Variants in SNTG1 observed in about 807,000 individuals in gnomAD.
The protein encoded by SNTG1 is gamma-1-syntrophin.
In SNTG1, 39 loss-of-function variants were observed where a neutral mutation model predicts 74.7. The ratio of observed to expected loss-of-function variants is 0.52; its 90% CI spans 0.40 to 0.68. The LOEUF (loss-of-function observed/expected upper bound fraction) is 0.68, where lower values mean the gene tolerates loss of function less well. Among genes scored for constraint, SNTG1 ranks in the 30% least tolerant of loss-of-function variants. The probability of loss-of-function intolerance (pLI) is 0.00; values close to 1 mark genes in which losing one functional copy is unlikely to be tolerated. For synonymous variants in SNTG1, 254 were observed against 217.1 expected (o/e 1.17, Z -1.49); for missense variants, 685 against 609.5 (o/e 1.12, Z -1.30).
chr8:50,636,932 G>A (rs2095042816), intron 13 of SNTG1, among the ~76,000 whole-genome samples: 1 of 152,158 alleles, frequency 6.6e-6, no homozygotes, highest in Non-Finnish European at 1.5e-5. Context: ...TAAAACAGGT[G>A]TTCTTGATTG....
At chr8:50,434,266 C>T (rs1038419505) in intron 4 of SNTG1, among the ~76,000 whole-genome samples, 1 of 152,164 alleles carries the variant, frequency 6.6e-6, no homozygotes, top group African/African-American at 2.4e-5. Flanking sequence ...ATGTGTGCCA[C>T]ATTTTCTTAA....
At chr8:49,915,268 G>C (rs904729486) in intron 1 of SNTG1, among the ~76,000 whole-genome samples, 1 of 152,126 alleles carries the variant, frequency 6.6e-6, no homozygotes, top group Non-Finnish European at 1.5e-5. Context: ...ATACTGGAAA[G>C]TCGAAATTCA....
At chr8:50,186,468 GAACT>G (rs1406432709) in intron 2 of SNTG1, among the ~76,000 whole-genome samples, 1 of 152,068 alleles carries the variant, frequency 6.6e-6, no homozygotes, top group African/African-American at 2.4e-5. Flanking sequence ...CACAATGTTT[GAACT>G]AATTTACATT....
chr8:50,234,002 A>G (rs575506570), intron 2 of SNTG1, among the ~76,000 whole-genome samples: 1 of 152,078 alleles, frequency 6.6e-6, no homozygotes, highest in African/African-American at 2.4e-5. Context: ...TTTTTTAAAA[A>G]TCAAACCAAA....
chr8:50,423,872 G>A (rs895460997), intron 4 of SNTG1, among the ~76,000 whole-genome samples: 1 of 152,162 alleles, frequency 6.6e-6, no homozygotes, highest in East Asian at 1.9e-4. Context: ...CTGACATCGC[G>A]TTAGGGAGCC....
chr8:49,926,707 A>G (rs1160901932), intron 1 of SNTG1, among the ~76,000 whole-genome samples: 1 of 152,194 alleles, frequency 6.6e-6, no homozygotes, highest in Non-Finnish European at 1.5e-5. Flanking sequence ...TGTAACATCA[A>G]AGGCATAATC....
At chr8:49,974,568 G>T (rs553980532) in intron 1 of SNTG1, among the ~76,000 whole-genome samples, 4 of 152,180 alleles carry the variant, frequency 2.6e-5, no homozygotes, top group Non-Finnish European at 5.9e-5. Context: ...AGAGAGCCCT[G>T]GCCTGGCCTA....
intron 1 of SNTG1, among the ~76,000 whole-genome samples, chr8:50,101,686 C>T (rs930975761): frequency 6.6e-6 from 1 of 151,942 alleles, no homozygotes; most frequent in African/African-American, 2.4e-5. Context: ...TTAGGTATAT[C>T]TCCTAATGCT....
At chr8:50,381,407 GA>G (rs1035736185) in intron 2 of SNTG1, among the ~76,000 whole-genome samples, 2 of 150,598 alleles carry the variant, frequency 1.3e-5, no homozygotes, top group Non-Finnish European at 3.0e-5. Context: ...ATCTGAATAA[GA>G]AAAAAAGTAA....
At chr8:50,425,303 C>A (rs1348662876) in intron 4 of SNTG1, among the ~76,000 whole-genome samples, 1 of 149,368 alleles carries the variant, frequency 6.7e-6, no homozygotes, top group African/African-American at 2.5e-5. Context: ...GGTGATCATG[C>A]TTTACGGTCT....
chr8:50,235,362 A>T (rs1471529348), intron 2 of SNTG1, among the ~76,000 whole-genome samples: 1 of 152,190 alleles, frequency 6.6e-6, no homozygotes, highest in African/African-American at 2.4e-5. Flanking sequence ...AAACATAGCA[A>T]GATTTCACTC....
chr8:50,407,659 C>T (rs1420751989), intron 4 of SNTG1, among the ~76,000 whole-genome samples: 1 of 152,156 alleles, frequency 6.6e-6, no homozygotes, highest in East Asian at 1.9e-4. Flanking sequence ...TCCTCTTGCC[C>T]ACTTCACAGA....
intron 2 of SNTG1, among the ~76,000 whole-genome samples, chr8:50,381,586 G>A (rs1425055540): frequency 7.3e-6 from 1 of 137,740 alleles, no homozygotes; most frequent in South Asian, 2.3e-4. Context: ...GTGTGTGTGT[G>A]TGTGTGTATA....
chr8:49,930,799 C>T (rs1052258752), intron 1 of SNTG1, among the ~76,000 whole-genome samples: 1 of 152,048 alleles, frequency 6.6e-6, no homozygotes, highest in Non-Finnish European at 1.5e-5. Flanking sequence ...CACAGCGATG[C>T]TCCCAAAATT....
chr8:50,249,279 G>A (rs532370058), intron 2 of SNTG1, among the ~76,000 whole-genome samples: 5 of 152,294 alleles, frequency 3.3e-5, no homozygotes, highest in African/African-American at 9.6e-5. Context: ...TTTGCAACCC[G>A]TATGACCTAA....
intron 4 of SNTG1, among the ~76,000 whole-genome samples, chr8:50,405,022 A>G (rs1028623417): frequency 4.6e-5 from 7 of 152,040 alleles, no homozygotes; most frequent in Middle Eastern, 3.2e-3. Context: ...TCCATTGTGT[A>G]TTTATACCAC....
chr8:50,296,757 T>C (rs1356622682), intron 2 of SNTG1, among the ~76,000 whole-genome samples: 1 of 152,112 alleles, frequency 6.6e-6, no homozygotes, highest in Non-Finnish European at 1.5e-5. Context: ...TCTGCACATG[T>C]ATCCCAGAAT....
At chr8:50,243,933 G>T (rs1169782297) in intron 2 of SNTG1, among the ~76,000 whole-genome samples, 2 of 152,084 alleles carry the variant, frequency 1.3e-5, no homozygotes, top group African/African-American at 2.4e-5. Context: ...TGGGGTTTTG[G>T]GGGAAGGAGA....
chr8:50,268,630 C>T (rs529756442), intron 2 of SNTG1, among the ~76,000 whole-genome samples: 5 of 151,156 alleles, frequency 3.3e-5, no homozygotes, highest in East Asian at 2.0e-4. Flanking sequence ...CCTAAGAATA[C>T]GTATACATAC....
Sources: allele counts gnomAD v4.1 joint callset (sites outside exome capture counted in the v4.1 genomes callset), GRCh38; gene constraint gnomAD v4.1.1; transcripts MANE v1.5; gene names NCBI Gene and HGNC (gene_info 2026-07-23, HGNC 2026-07-21).